The following DENND5A variants were observed in gnomAD, a reference collection of about 807,000 sequenced individuals.
The protein encoded by DENND5A is DENN domain-containing protein 5A.
In DENND5A, 64 loss-of-function variants were observed where a neutral mutation model predicts 140.3. The ratio of observed to expected loss-of-function variants is 0.46; its 90% CI spans 0.37 to 0.56. The LOEUF is 0.56. Ranked by LOEUF, DENND5A falls within the 20% of genes least tolerant of loss-of-function variation. The probability of loss-of-function intolerance (pLI) is 0.00; values close to 1 mark genes in which losing one functional copy is unlikely to be tolerated. For missense variants in DENND5A, 1,292 were observed against 1,593.8 expected (o/e 0.81, Z 3.22); for synonymous variants, 605 against 607.7 (o/e 1.00, Z 0.07).
intron 1 of DENND5A, among the ~76,000 whole-genome samples, chr11:9,225,757 G>A (rs1391913387): frequency 6.6e-6 from 1 of 152,020 alleles, no homozygotes; most frequent in African/African-American, 2.4e-5. Context: ...GCAAGACTCT[G>A]TCTCAAAAAA....
intron 8 of DENND5A, among the ~76,000 whole-genome samples, chr11:9,176,398 C>CTTACTTAAT (rs1848546156): frequency 6.6e-6 from 1 of 152,216 alleles, no homozygotes; most frequent in Non-Finnish European, 1.5e-5. Flanking sequence ...CACTGAACAT[C>CTTACTTAAT]CTGCAGGAAG....
At chr11:9,175,417 C>A (rs951563523) in intron 8 of DENND5A, 2 of 152,074 alleles carry the variant, frequency 1.3e-5, no homozygotes, top group South Asian at 2.1e-4. Flanking sequence ...GTTAGGATGT[C>A]AAATATCAAT....
intron 1 of DENND5A, among the ~76,000 whole-genome samples, chr11:9,242,153 T>C (rs1422250060): frequency 2.0e-5 from 3 of 152,148 alleles, no homozygotes; most frequent in Non-Finnish European, 4.4e-5. Context: ...TCATTATGTT[T>C]ATTTTTCAAT....
At position 9,218,807 on chromosome 11, in the gene DENND5A, A is replaced by G. The variant is rs116639440; in HGVS notation, c.110-11175T>C. 3.4e-3 allele frequency among the ~76,000 whole-genome samples: 514 copies of G among 152,260 alleles called. 2 individuals are homozygous for G. The highest frequency in any genetic ancestry group is 0.012 in the African/African-American group (491 of 41,542). On this transcript the variant is annotated intron_variant, in intron 1 of 22. Transcript: ENST00000328194. ...GATCACCTGAGGTCAGGAGTGCAAG[A>G]CCAAGCTAGCCAACATGGTGAAACC...
intron 1 of DENND5A, among the ~76,000 whole-genome samples, chr11:9,235,091 C>T (rs1850945671): frequency 6.6e-6 from 1 of 152,094 alleles, no homozygotes; most frequent in Non-Finnish European, 1.5e-5. Flanking sequence ...CTTAAAGTTA[C>T]TATAAAGTTC....
At chr11:9,214,391 A>G (rs1033933262) in intron 1 of DENND5A, among the ~76,000 whole-genome samples, 7 of 152,248 alleles carry the variant, frequency 4.6e-5, no homozygotes, top group African/African-American at 1.7e-4. Context: ...AATGAGAATT[A>G]ACCTTATCAT....
At chr11:9,160,916 A>G (rs780498599) in intron 11 of DENND5A, 51 bp from the exon 12 acceptor site, 3 of 1,585,656 alleles carry the variant, frequency 1.9e-6, no homozygotes, top group Non-Finnish European at 2.6e-6. Flanking sequence ...GCAGGATTAC[A>G]TACAACCGGA....
intron 1 of DENND5A, among the ~76,000 whole-genome samples, chr11:9,214,944 G>A (rs753922715): frequency 6.6e-6 from 1 of 151,950 alleles, no homozygotes; most frequent in East Asian, 1.9e-4. Flanking sequence ...GACTGGTCTC[G>A]AACTCCTGAC....
intron 5 of DENND5A, among the ~76,000 whole-genome samples, chr11:9,188,415 G>A (rs1026102472): frequency 2.6e-5 from 4 of 152,192 alleles, no homozygotes; most frequent in African/African-American, 4.8e-5. Context: ...AGAGTGGGGC[G>A]CTGCTTAAAA....
At chr11:9,158,478 G>A (rs1375437874) in intron 12 of DENND5A, among the ~76,000 whole-genome samples, 3 of 152,132 alleles carry the variant, frequency 2.0e-5, no homozygotes, top group African/African-American at 4.8e-5. Context: ...AGCACAGGAG[G>A]TCAAGGCTGC....
At chr11:9,205,781 C>A (rs1296465253) in intron 3 of DENND5A, among the ~76,000 whole-genome samples, 1 of 152,098 alleles carries the variant, frequency 6.6e-6, no homozygotes, top group Non-Finnish European at 1.5e-5. Flanking sequence ...CCAGTAGTCC[C>A]AGCTACTCGG....
intron 1 of DENND5A, among the ~76,000 whole-genome samples, chr11:9,223,113 G>C (rs1850379690): frequency 6.6e-6 from 1 of 152,172 alleles, no homozygotes; most frequent in African/African-American, 2.4e-5. Flanking sequence ...TAGCCGGCTG[G>C]GCGCGGTGGC....
At chr11:9,144,064 T>A (rs1333967477) in intron 19 of DENND5A, 33 bp downstream of exon 19, 3 of 1,601,346 alleles carry the variant, frequency 1.9e-6, no homozygotes, top group East Asian at 4.5e-5. Flanking sequence ...CTAGACTGTA[T>A]GGCATGAGGG....
rs1213339417 is a variant in DENND5A, at chr11:9,239,335, CTTTT to C, written c.109+25622_109+25625del. 2.6e-4 allele frequency among the ~76,000 whole-genome samples: 31 copies of C among 121,290 alleles called. No individual in the cohort carries two copies. The East Asian group carries it at 5.7e-3, about 22-fold the overall frequency. The allele number at this position is 121,290 out of a possible 152,430, so 79.6% of individuals were successfully genotyped here. A position where few individuals can be genotyped will look rare whatever the true frequency, so the allele number is the denominator to read the frequency against. On this transcript the variant is annotated intron_variant, in intron 1 of 22. Coordinates refer to ENST00000328194, the MANE Select transcript of DENND5A (RefSeq NM_015213.4). ...GTGCACACCACCACACCTGGCTAAA[CTTTT>C]TTTTTTTTTTTTTTTGAGACAGGGT...
At chr11:9,184,119 G>A (rs1040958994) in intron 5 of DENND5A, among the ~76,000 whole-genome samples, 8 of 151,906 alleles carry the variant, frequency 5.3e-5, no homozygotes, top group African/African-American at 1.2e-4. Flanking sequence ...TTGGGAGGCC[G>A]AGGCGGGCGC....
chr11:9,187,405 A>T (rs1042774558), intron 5 of DENND5A, among the ~76,000 whole-genome samples: 1 of 152,136 alleles, frequency 6.6e-6, no homozygotes, highest in Non-Finnish European at 1.5e-5. Flanking sequence ...GGGTAGACTT[A>T]GCTGCTCTGA....
chr11:9,150,883 T>G, intron 13 of DENND5A, 119 bp from the exon 14 acceptor site: 1 of 533,780 alleles, frequency 1.9e-6, no homozygotes, highest in Non-Finnish European at 3.3e-6. Flanking sequence ...TGGTAACACT[T>G]TAATTGATTG....
At chr11:9,187,512 C>T (rs1443007434) in intron 5 of DENND5A, among the ~76,000 whole-genome samples, 2 of 152,088 alleles carry the variant, frequency 1.3e-5, no homozygotes, top group African/African-American at 4.8e-5. Flanking sequence ...ATTCCTAATA[C>T]CAAAAAACAG....
chr11:9,236,042 A>T (rs1850985941), intron 1 of DENND5A, among the ~76,000 whole-genome samples: 1 of 152,036 alleles, frequency 6.6e-6, no homozygotes, highest in African/African-American at 2.4e-5. Context: ...GGAGGTCAAG[A>T]CCAGCCTAAG....
Sources: gnomAD v4.1 joint callset for allele counts (sites outside exome capture counted in the v4.1 genomes callset) on GRCh38, gnomAD v4.1.1 for gene constraint, MANE v1.5 for transcripts, NCBI Gene and HGNC (gene_info 2026-07-23, HGNC 2026-07-21) for gene names.